The following COL6A5 variants were observed in gnomAD, a reference collection of about 807,000 sequenced individuals.
COL6A5 encodes the protein collagen type VI alpha 5 chain.
In COL6A5, 48 loss-of-function variants were observed where a neutral mutation model predicts 65.6. The ratio of observed to expected loss-of-function variants is 0.73; its 90% CI spans 0.58 to 0.93. The LOEUF (loss-of-function observed/expected upper bound fraction) is 0.93. COL6A5 is among the 40% of genes least tolerant of loss of function. The pLI is 0.00. For missense variants in COL6A5, 914 were observed against 928.3 expected, an observed-to-expected ratio of 0.98 and a Z score of 0.20; for synonymous variants, 291 against 322.8, an observed-to-expected ratio of 0.90 and a Z score of 1.05.
intron 4 of COL6A5, among the ~76,000 whole-genome samples, chr3:130,383,302 G>A (rs1559869879): frequency 6.6e-6 from 1 of 151,998 alleles, no homozygotes; most frequent in Non-Finnish European, 1.5e-5. Context: ...GGATAGTTTA[G>A]ATTTACATTT....
intron 3 of COL6A5, among the ~76,000 whole-genome samples, chr3:130,378,705 C>T (rs1019069043): frequency 6.6e-6 from 1 of 152,130 alleles, no homozygotes; most frequent in Non-Finnish European, 1.5e-5. Context: ...CGGAATTCCT[C>T]TTCCTTCAGA....
chr3:130,373,814 C>A (rs1935654602), intron 2 of COL6A5, 109 bp downstream of exon 2: 2 of 728,404 alleles, frequency 2.7e-6, no homozygotes, highest in Non-Finnish European at 4.6e-6. Context: ...AAGTATGCAG[C>A]ATTTAGTAAT....
At chr3:130,467,168 G>A (rs1045200495) in intron 5 of COL6A5, among the ~76,000 whole-genome samples, 2 of 151,984 alleles carry the variant, frequency 1.3e-5, no homozygotes, top group East Asian at 3.9e-4. Flanking sequence ...GTGATATTTT[G>A]ATAGAAGCAG....
At chr3:130,483,048 C>A (rs1405423554) in intron 7 of COL6A5, among the ~76,000 whole-genome samples, 1 of 152,118 alleles carries the variant, frequency 6.6e-6, no homozygotes, top group Non-Finnish European at 1.5e-5. Context: ...CCCTACAAGC[C>A]AGAAGAGAGT....
chr3:130,455,037 G>A (rs1709535406), intron 4 of COL6A5, among the ~76,000 whole-genome samples: 1 of 152,034 alleles, frequency 6.6e-6, no homozygotes, highest in African/African-American at 2.4e-5. Flanking sequence ...CTACTCAGGA[G>A]GCTGAGGTGG....
intron 4 of COL6A5, among the ~76,000 whole-genome samples, chr3:130,444,897 C>T (rs1709271896): frequency 6.6e-6 from 1 of 152,142 alleles, no homozygotes; most frequent in South Asian, 2.1e-4. Context: ...TGACCATTTC[C>T]CATGAATGAT....
At chr3:130,433,108 T>A (rs1937889952) in intron 1 of COL6A5, among the ~76,000 whole-genome samples, 1 of 152,082 alleles carries the variant, frequency 6.6e-6, no homozygotes. Context: ...TCCTAACACA[T>A]CCAAGCGTTT....
chr3:130,402,374 A>G (rs757489324), intron 12 of COL6A5, among the ~76,000 whole-genome samples: 1 of 152,240 alleles, frequency 6.6e-6, no homozygotes, highest in Non-Finnish European at 1.5e-5. Flanking sequence ...TTAAAACACA[A>G]ATTATAAAAT....
In COL6A5 at chr3:130,388,568, T is replaced by TA; in HGVS notation, c.1862-11dup. 1 of 1,497,192 alleles carries TA rather than the reference T, an allele frequency of 6.7e-7. No homozygotes were observed. The highest frequency in any genetic ancestry group is 8.9e-7 in the Non-Finnish European group (1 of 1,124,954). 92.7% of individuals were successfully genotyped at this position (1,497,192 alleles called of 1,614,324 possible). A position where few individuals can be genotyped will look rare whatever the true frequency, so the allele number is the denominator to read the frequency against. ...CCTGGTTATTTCTGGTCTTTTTTTTTATAACATGCAGGATGTGAAGACATG... is the reference window on the plus strand; with the variant it reads ...CCTGGTTATTTCTGGTCTTTTTTTTTAATAACATGCAGGATGTGAAGACATG... On this transcript the variant is annotated splice_polypyrimidine_tract_variant and intron_variant and NMD_transcript_variant, in intron 5 of 41. Coordinates refer to the COL6A5 transcript ENST00000312481.
At chr3:130,355,829 T>A (rs1934904326) in intron 1 of COL6A5, among the ~76,000 whole-genome samples, 1 of 150,618 alleles carries the variant, frequency 6.6e-6, no homozygotes, top group Admixed American at 6.6e-5. Flanking sequence ...GTCCTTACTT[T>A]AAAAAAAAAG....
At chr3:130,375,698 C>T (rs1426889319) in intron 2 of COL6A5, among the ~76,000 whole-genome samples, 1 of 151,992 alleles carries the variant, frequency 6.6e-6, no homozygotes, top group Non-Finnish European at 1.5e-5. Context: ...GAGGCCCCAG[C>T]AAAATTACAA....
At chr3:130,439,924 A>T (rs776302666) in intron 2 of COL6A5, among the ~76,000 whole-genome samples, 46 of 152,186 alleles carry the variant, frequency 3.0e-4, no homozygotes, top group Non-Finnish European at 4.9e-4. Flanking sequence ...TGACTTGTAC[A>T]CTGCAGGTAT....
chr3:130,399,499 T>G (rs1936733682), intron 10 of COL6A5, among the ~76,000 whole-genome samples: 1 of 151,020 alleles, frequency 6.6e-6, no homozygotes, highest in Non-Finnish European at 1.5e-5. Context: ...GCCTCTGGAG[T>G]ATCTGGGACT....
chr3:130,395,633 T>G (rs1936573328), intron 8 of COL6A5, among the ~76,000 whole-genome samples, 168 bp downstream of exon 8: 1 of 152,230 alleles, frequency 6.6e-6, no homozygotes, highest in Non-Finnish European at 1.5e-5. Context: ...CCAGGAAGTT[T>G]GGATAACTCA....
At chr3:130,453,698 C>T (rs1208891136) in intron 4 of COL6A5, among the ~76,000 whole-genome samples, 1 of 152,128 alleles carries the variant, frequency 6.6e-6, no homozygotes, top group Non-Finnish European at 1.5e-5. Context: ...CTGTGTGCTT[C>T]TTCGAGCTTA....
At chr3:130,393,876 T>C (rs1936494643) in intron 7 of COL6A5, among the ~76,000 whole-genome samples, 1 of 152,210 alleles carries the variant, frequency 6.6e-6, no homozygotes, top group Non-Finnish European at 1.5e-5. Flanking sequence ...CTCTCTATAG[T>C]GAGACAGACC....
chr3:130,421,795 T>C (rs1937522155), intron 27 of COL6A5, among the ~76,000 whole-genome samples: 2 of 152,130 alleles, frequency 1.3e-5, no homozygotes, highest in Non-Finnish European at 2.9e-5. Context: ...AACACTACTG[T>C]CACTTGATTT....
chr3:130,369,655 A>G (rs1935477294), intron 1 of COL6A5, among the ~76,000 whole-genome samples: 1 of 152,208 alleles, frequency 6.6e-6, no homozygotes, highest in Non-Finnish European at 1.5e-5. Flanking sequence ...ATTTTTGACC[A>G]AAGGAATGCA....
chr3:130,473,578 G>A (rs973840508), intron 7 of COL6A5, among the ~76,000 whole-genome samples: 2 of 152,082 alleles, frequency 1.3e-5, no homozygotes, highest in Non-Finnish European at 2.9e-5. Context: ...GATTAACTCA[G>A]TATACCACTG....
Sources: gnomAD v4.1 joint callset for allele counts (sites outside exome capture counted in the v4.1 genomes callset) on GRCh38, gnomAD v4.1.1 for gene constraint, MANE v1.5 for transcripts, NCBI Gene and HGNC (gene_info 2026-07-23, HGNC 2026-07-21) for gene names.